Variants in WAC observed in about 807,000 individuals in gnomAD.
WAC encodes the protein WW domain containing adaptor with coiled-coil.
A neutral mutation model predicts 79.6 loss-of-function variants in WAC; 11 were observed. The observed-to-expected ratio is 0.14, with a 90% CI of 0.09 to 0.23. WAC has a LOEUF of 0.23. Ranked by LOEUF, WAC falls within the 10% of genes least tolerant of loss-of-function variation. The pLI, the probability that WAC is intolerant of heterozygous loss-of-function variation, is 1.00. For missense variants in WAC, 728 were observed against 773.5 expected (o/e 0.94, Z 0.70); for synonymous variants, 304 against 276.9 (o/e 1.10, Z -0.97).
At chr10:28,541,420 GTTTT>G (rs869099181) in intron 3 of WAC, among the ~76,000 whole-genome samples, 3 of 49,208 alleles carry the variant, frequency 6.1e-5, no homozygotes, top group Non-Finnish European at 6.6e-5. Flanking sequence ...TGTGTGTTTT[GTTTT>G]TTTTTTTTTT....
intron 7 of WAC, among the ~76,000 whole-genome samples, chr10:28,606,973 A>G (rs1374037736): frequency 6.6e-6 from 1 of 152,166 alleles, no homozygotes; most frequent in Non-Finnish European, 1.5e-5. Flanking sequence ...CATTATGGTG[A>G]GTGTAAAGGG....
At chr10:28,571,230 C>T (rs535957350) in intron 3 of WAC, among the ~76,000 whole-genome samples, 1 of 152,092 alleles carries the variant, frequency 6.6e-6, no homozygotes, top group African/African-American at 2.4e-5. Flanking sequence ...ATGCCTGGCC[C>T]TTAAATATAT....
At chr10:28,552,895 A>T (rs1428670762) in intron 3 of WAC, among the ~76,000 whole-genome samples, 3 of 118,940 alleles carry the variant, frequency 2.5e-5, no homozygotes, top group Non-Finnish European at 3.3e-5. Flanking sequence ...AACAAGGTTG[A>T]ATTTGATAAT....
chr10:28,546,253 T>C (rs933759101), intron 3 of WAC, among the ~76,000 whole-genome samples: 2 of 152,246 alleles, frequency 1.3e-5, no homozygotes, highest in African/African-American at 4.8e-5. Context: ...TAGTGAATTA[T>C]GTTACATTGG....
chr10:28,595,939 G>T lies in WAC; in HGVS notation c.817G>T (p.Asp273Tyr), dbSNP rs1430952529. The T allele has an allele frequency of 1.9e-6, 3 of 1,613,990 alleles. No individual in the cohort carries two copies. Among genetic ancestry groups the T allele is most frequent in the Non-Finnish European group, 2.5e-6 (3 of 1,179,996 alleles). The change falls in exon 7 of 14, where the codon GAT becomes TAT. Residue 273 changes from aspartate (D) to tyrosine (Y), a missense_variant. By Grantham distance (160) the Asp-to-Tyr change is radical (BLOSUM62 -3). Around this residue, in one of 3 missense-constraint regions of WAC, gnomAD observed 648 missense variants for 661.5 expected, o/e 0.98. Coordinates refer to ENST00000354911, the MANE Select transcript of WAC (RefSeq NM_016628.5). ...TTCTAGTCCATTTACGCTACAGTCT[G>T]ATCACCAGCCAAAGAAATCATTTGA... Reference protein sequence around the residue: ...VPSSPFTLQSDHQPKKSFDAN... With the variant: ...VPSSPFTLQSYHQPKKSFDAN...
chr10:28,566,952 G>GT (rs35250089), intron 3 of WAC, among the ~76,000 whole-genome samples: 33,770 of 136,182 alleles, frequency 0.25, 4,407 homozygotes, highest in Non-Finnish European at 0.29. Context: ...TGTCCTCCCT[G>GT]TTTTTTTTTT....
chr10:28,550,595 T>C (rs1185287295), intron 3 of WAC, among the ~76,000 whole-genome samples: 2 of 152,182 alleles, frequency 1.3e-5, no homozygotes, highest in Non-Finnish European at 2.9e-5. Flanking sequence ...TTAAATGTCT[T>C]ATGTCATTTG....
intron 3 of WAC, among the ~76,000 whole-genome samples, chr10:28,563,228 C>A (rs1404597148): frequency 1.3e-5 from 2 of 152,094 alleles, no homozygotes; most frequent in Admixed American, 6.6e-5. Context: ...TTACTCTTTT[C>A]AAGTAATTTG....
At position 28,611,901 on chromosome 10, in the gene WAC, T is replaced by C. The variant is rs1841258091; in HGVS notation, c.1416T>C (p.Pro472=). ...CTATCAAACCTTTGATCAGTACTCC[T>C]CCTGTTTCATCACAGCCAAAGGTAT... ...TVPIKPLIST[P]PVSSQPKVST... Residue 472 remains proline (P), a synonymous_variant, in exon 10 of 14, where the codon CCT becomes CCC. Coordinates refer to ENST00000354911, the MANE Select transcript of WAC (RefSeq NM_016628.5). The C allele has an allele frequency of 6.2e-7, 1 of 1,613,744 alleles. No individual in the cohort carries two copies.
intron 7 of WAC, among the ~76,000 whole-genome samples, chr10:28,603,410 G>C (rs1840737563): frequency 1.3e-5 from 2 of 152,126 alleles, no homozygotes; most frequent in Admixed American, 6.5e-5. Flanking sequence ...GAGTAGGGCT[G>C]ATATATTCTT....
chr10:28,590,755 T>A lies in WAC; in HGVS notation c.533T>A (p.Val178Asp). ...CAAAAAGAAGCAAACAAGATGGCAG[T>A]CAACAGCTTCCCAAAAGATAGGGAT... ...QRQKEANKMA[V>D]NSFPKDRDYR... Residue 178 changes from valine (V) to aspartate (D), a missense_variant, in exon 6 of 14, where the codon GTC (valine) becomes GAC (aspartate). Transcript: ENST00000354911. The A allele has an allele frequency of 6.2e-7, 1 of 1,611,178 alleles. No homozygotes were observed. Among genetic ancestry groups the A allele is most frequent in the Non-Finnish European group, 8.5e-7 (1 of 1,179,110 alleles).
intron 7 of WAC, among the ~76,000 whole-genome samples, chr10:28,601,981 T>C (rs1332622166): frequency 6.6e-6 from 1 of 152,138 alleles, no homozygotes; most frequent in Non-Finnish European, 1.5e-5. Flanking sequence ...TGCACAGAAA[T>C]GTGGATGTAC....
intron 2 of WAC, chr10:28,535,315 T>A (rs1316303994): frequency 5.8e-6 from 2 of 345,830 alleles, no homozygotes; most frequent in Middle Eastern, 1.6e-3. Flanking sequence ...TGCAAGGTGG[T>A]TTATAAGATA....
At chr10:28,534,719 A>G (rs1276059683) in intron 2 of WAC, among the ~76,000 whole-genome samples, 1 of 152,240 alleles carries the variant, frequency 6.6e-6, no homozygotes, top group Non-Finnish European at 1.5e-5. Context: ...ATTGTTAACC[A>G]TCAGATGACT....
At chr10:28,609,072 G>T (rs567365220) in intron 8 of WAC, among the ~76,000 whole-genome samples, 2 of 152,190 alleles carry the variant, frequency 1.3e-5, no homozygotes, top group Non-Finnish European at 2.9e-5. Context: ...AGATTCACAC[G>T]TTAATTCCTA....
rs376258589 is a variant in WAC, at chr10:28,584,200, C to T, written c.381+695C>T. 7.9e-5 allele frequency among the ~76,000 whole-genome samples: 12 copies of T among 152,192 alleles called. 1 individual carries two copies. Among genetic ancestry groups the T allele is most frequent in the East Asian group, 3.9e-4 (2 of 5,184 alleles). ...TGTTAAAGTTGCTTTGGAGGGTGCTCAACACAGGACTCCCAGCTTGGGTGA... is the reference window on the plus strand; with the variant it reads ...TGTTAAAGTTGCTTTGGAGGGTGCTTAACACAGGACTCCCAGCTTGGGTGA... On this transcript the variant is annotated intron_variant, in intron 4 of 13. Coordinates refer to ENST00000354911, the MANE Select transcript of WAC (RefSeq NM_016628.5).
chr10:28,596,699 A>G (rs1173049934), intron 7 of WAC, among the ~76,000 whole-genome samples: 2 of 152,186 alleles, frequency 1.3e-5, no homozygotes, highest in East Asian at 3.8e-4. Context: ...CACAATCTGA[A>G]ACTTGTACTT....
intron 3 of WAC, among the ~76,000 whole-genome samples, chr10:28,539,807 C>T (rs1456316783): frequency 1.3e-5 from 2 of 152,170 alleles, no homozygotes; most frequent in Non-Finnish European, 2.9e-5. Flanking sequence ...GATCCACCTG[C>T]CTCGGCCTCC....
chr10:28,568,774 A>G (rs563844620), intron 3 of WAC, among the ~76,000 whole-genome samples: 6 of 152,084 alleles, frequency 3.9e-5, no homozygotes, highest in East Asian at 3.9e-4. Flanking sequence ...GGGTTTCACT[A>G]TGCTGACCAG....
Sources: gnomAD v4.1 joint callset for allele counts (sites outside exome capture counted in the v4.1 genomes callset) on GRCh38, gnomAD v4.1.1 for gene constraint, gnomAD v4.1.1 regional missense constraint, MANE v1.5 for transcripts, NCBI Gene and HGNC (gene_info 2026-07-23, HGNC 2026-07-21) for gene names.